KSR2: variants seen among roughly 807,000 people sequenced by gnomAD.
KSR2 encodes kinase suppressor of ras 2.
In KSR2, 25 loss-of-function variants were observed where a neutral mutation model predicts 107.8. The ratio of observed to expected loss-of-function variants is 0.23; its 90% CI spans 0.17 to 0.32. The LOEUF (loss-of-function observed/expected upper bound fraction) is 0.32. Among genes scored for constraint, KSR2 ranks in the 10% least tolerant of loss-of-function variants. The pLI, the probability that KSR2 is intolerant of heterozygous loss-of-function variation, is 1.00. For missense variants in KSR2, 887 were observed against 1,268.9 expected (o/e 0.70, Z 4.57); for synonymous variants, 480 against 507.0 (o/e 0.95, Z 0.71).
intron 14 of KSR2, among the ~76,000 whole-genome samples, chr12:117,486,875 G>A (rs1872495479): frequency 6.6e-6 from 1 of 152,204 alleles, no homozygotes; most frequent in African/African-American, 2.4e-5. Context: ...TAAAAGAGTT[G>A]GAAACAGGCC....
chr12:117,857,364 A>T (rs1053479175), intron 2 of KSR2, among the ~76,000 whole-genome samples: 4 of 152,194 alleles, frequency 2.6e-5, no homozygotes, highest in Non-Finnish European at 4.4e-5. Flanking sequence ...CCAGTCCAGG[A>T]TCTGAAGGTA....
At chr12:117,517,996 T>C (rs16947663) in intron 14 of KSR2, 39,292 of 392,392 alleles carry the variant, frequency 0.1, 3,236 homozygotes, top group African/African-American at 0.28. Flanking sequence ...TTTGAAAGCA[T>C]GGAAAACAGG....
At chr12:117,816,123 G>A (rs966754156) in intron 3 of KSR2, among the ~76,000 whole-genome samples, 1 of 151,774 alleles carries the variant, frequency 6.6e-6, no homozygotes, top group African/African-American at 2.4e-5. Context: ...GCAGGAGTTT[G>A]TGACTCCTTC....
intron 5 of KSR2, among the ~76,000 whole-genome samples, chr12:117,635,359 C>A (rs906545522): frequency 2.6e-5 from 4 of 152,100 alleles, no homozygotes; most frequent in African/African-American, 9.7e-5. Context: ...AGATGAATAA[C>A]CTAGAAGTTA....
intron 2 of KSR2, among the ~76,000 whole-genome samples, chr12:117,856,244 T>G (rs922997591): frequency 1.3e-5 from 2 of 152,176 alleles, no homozygotes; most frequent in African/African-American, 4.8e-5. Flanking sequence ...CTAGAAAAGG[T>G]AGGATTCCCA....
rs1344156982 is a variant in KSR2, at chr12:117,476,449, G to A, written c.2582+15C>T. 3 of 1,585,104 alleles carry A rather than the reference G, an allele frequency of 1.9e-6. No homozygotes were observed. The highest frequency in any genetic ancestry group is 1.2e-5 in the South Asian group (1 of 86,018). On this transcript the variant is annotated intron_variant, in intron 17 of 19. Transcript: ENST00000339824. ...CAGGCTGTGGCTCTCAATGGCCAGG[G>A]CAGGGCCCACTTACCCAAGGGCAAA...
chr12:117,866,350 T>G (rs765206308), intron 1 of KSR2, among the ~76,000 whole-genome samples: 1 of 152,148 alleles, frequency 6.6e-6, no homozygotes, highest in Non-Finnish European at 1.5e-5. Flanking sequence ...ACTGCTCTCT[T>G]TATAACGGAG....
At chr12:117,834,454 G>A (rs1364983913) in intron 3 of KSR2, among the ~76,000 whole-genome samples, 1 of 149,522 alleles carries the variant, frequency 6.7e-6, no homozygotes, top group Non-Finnish European at 1.5e-5. Flanking sequence ...GCGGGGTAGG[G>A]ATTTTTTTTG....
At chr12:117,961,570 C>G (rs7134651) in intron 1 of KSR2, among the ~76,000 whole-genome samples, 2,741 of 148,680 alleles carry the variant, frequency 0.018, 76 homozygotes, top group African/African-American at 0.064. Context: ...CTCTTGCTCT[C>G]TAGGAACACT....
intron 1 of KSR2, among the ~76,000 whole-genome samples, chr12:117,916,285 C>T (rs982182164): frequency 2.6e-5 from 4 of 151,734 alleles, no homozygotes; most frequent in African/African-American, 9.7e-5. Flanking sequence ...CACAGACAGG[C>T]ACCACCACGC....
At chr12:117,809,815 TAATG>T (rs1261236181) in intron 3 of KSR2, among the ~76,000 whole-genome samples, 1 of 152,136 alleles carries the variant, frequency 6.6e-6, no homozygotes, top group East Asian at 1.9e-4. Flanking sequence ...AATAAATACT[TAATG>T]AATGAGAGGC....
intron 3 of KSR2, among the ~76,000 whole-genome samples, chr12:117,852,428 C>CAAAA (rs1293861713): frequency 2.0e-5 from 3 of 151,486 alleles, no homozygotes; most frequent in Non-Finnish European, 2.9e-5. Flanking sequence ...GACTCTGTCT[C>CAAAA]AAAATAAATA....
At chr12:117,662,813 G>A (rs925767929) in intron 5 of KSR2, among the ~76,000 whole-genome samples, 1 of 152,192 alleles carries the variant, frequency 6.6e-6, no homozygotes, top group Non-Finnish European at 1.5e-5. Context: ...TGAGTCATGG[G>A]CAGCTAATAA....
chr12:117,760,955 C>A (rs1424952429), intron 4 of KSR2, 56 bp downstream of exon 4: 1 of 1,604,094 alleles, frequency 6.2e-7, no homozygotes, highest in Non-Finnish European at 8.5e-7. Flanking sequence ...GACCAAGGGG[C>A]AGCCCCTCGC....
intron 7 of KSR2, among the ~76,000 whole-genome samples, chr12:117,567,367 G>A (rs1480549059): frequency 1.3e-5 from 2 of 152,202 alleles, no homozygotes; most frequent in African/African-American, 2.4e-5. Context: ...TTGATGGCTC[G>A]GAGAAGCTGC....
chr12:117,552,956 T>A (rs1787687411), intron 9 of KSR2, among the ~76,000 whole-genome samples: 1 of 152,240 alleles, frequency 6.6e-6, no homozygotes, highest in African/African-American at 2.4e-5. Context: ...TTCCCTCTGC[T>A]CTCTGTCCTA....
intron 4 of KSR2, among the ~76,000 whole-genome samples, chr12:117,715,163 G>C (rs1886930417): frequency 6.6e-6 from 1 of 152,028 alleles, no homozygotes; most frequent in Non-Finnish European, 1.5e-5. Flanking sequence ...TCTTATTAAA[G>C]GGCACAGTCT....
chr12:117,712,528 C>A (rs920725760), intron 4 of KSR2, among the ~76,000 whole-genome samples: 1 of 152,206 alleles, frequency 6.6e-6, no homozygotes, highest in Non-Finnish European at 1.5e-5. Context: ...CCTTCTTGGG[C>A]CTCACTCCCT....
intron 4 of KSR2, among the ~76,000 whole-genome samples, chr12:117,731,465 G>A (rs1297590929): frequency 6.7e-6 from 1 of 149,554 alleles, no homozygotes; most frequent in Non-Finnish European, 1.5e-5. Context: ...GGTGGGGGGC[G>A]CCTCTGCCCG....
Sources: allele counts gnomAD v4.1 joint callset (sites outside exome capture counted in the v4.1 genomes callset), GRCh38; gene constraint gnomAD v4.1.1; transcripts MANE v1.5; gene names NCBI Gene and HGNC (gene_info 2026-07-23, HGNC 2026-07-21).